KCNT2: variants seen among roughly 807,000 people sequenced by gnomAD.
KCNT2 encodes potassium sodium-activated channel subfamily T member 2, also known as potassium channel subfamily T member 2.
Under a neutral mutation model 153.8 loss-of-function variants are expected in KCNT2, and 67 were observed. The observed-to-expected ratio is 0.44, with a 90% CI of 0.36 to 0.53. The LOEUF is 0.53. KCNT2 is among the 20% of genes least tolerant of loss of function. The pLI, the probability that KCNT2 is intolerant of heterozygous loss-of-function variation, is 0.00. For missense variants in KCNT2, 975 were observed against 1,354.8 expected (o/e 0.72, Z 4.40); for synonymous variants, 500 against 458.8 (o/e 1.09, Z -1.15).
chr1:196,559,064 A>C (rs1441306177), intron 1 of KCNT2, among the ~76,000 whole-genome samples: 1 of 151,360 alleles, frequency 6.6e-6, no homozygotes, highest in Admixed American at 6.6e-5. Context: ...TTGGAAACAA[A>C]AAAAAAAATC....
intron 1 of KCNT2, among the ~76,000 whole-genome samples, chr1:196,591,898 C>T (rs548159012): frequency 1.3e-5 from 2 of 151,910 alleles, no homozygotes; most frequent in South Asian, 2.1e-4. Context: ...CAGAGCAACT[C>T]GATAATAAAA....
chr1:196,361,816 C>G (rs1667646615), intron 14 of KCNT2, among the ~76,000 whole-genome samples: 1 of 152,040 alleles, frequency 6.6e-6, no homozygotes, highest in South Asian at 2.1e-4. Context: ...AAAGTTATAT[C>G]AAATAAAGTT....
chr1:196,465,897 T>A (rs1047332130), intron 7 of KCNT2, among the ~76,000 whole-genome samples: 1 of 152,024 alleles, frequency 6.6e-6, no homozygotes, highest in Non-Finnish European at 1.5e-5. Context: ...TTTAATTTCT[T>A]ATAAAAGATA....
At chr1:196,431,445 C>T (rs1362283129) in intron 8 of KCNT2, among the ~76,000 whole-genome samples, 3 of 152,014 alleles carry the variant, frequency 2.0e-5, no homozygotes, top group African/African-American at 4.8e-5. Context: ...CCTAACTCTT[C>T]TTATAGATTA....
chr1:196,334,561 TC>T (rs1343574888), intron 16 of KCNT2, among the ~76,000 whole-genome samples: 2 of 146,394 alleles, frequency 1.4e-5, no homozygotes, highest in Non-Finnish European at 3.0e-5. Context: ...TGCAAACTCC[TC>T]CTCCCAGGTT....
At chr1:196,418,229 G>A (rs113166435) in intron 12 of KCNT2, among the ~76,000 whole-genome samples, 8,780 of 151,928 alleles carry the variant, frequency 0.058, 394 homozygotes, top group Non-Finnish European at 0.085. Flanking sequence ...TAATCCCAGC[G>A]CTTTGGGAGG....
chr1:196,518,830 C>T (rs1293139118), intron 1 of KCNT2, among the ~76,000 whole-genome samples: 1 of 152,038 alleles, frequency 6.6e-6, no homozygotes, highest in Non-Finnish European at 1.5e-5. Context: ...TAGACTTCCA[C>T]AAAATAATAG....
intron 19 of KCNT2, among the ~76,000 whole-genome samples, chr1:196,323,591 G>A (rs189056711): frequency 6.6e-6 from 1 of 151,690 alleles, no homozygotes; most frequent in Non-Finnish European, 1.5e-5. Context: ...GATCTAGAAA[G>A]GTTTATATTT....
chr1:196,488,809 A>G (rs1048208054), intron 3 of KCNT2, among the ~76,000 whole-genome samples: 1 of 151,938 alleles, frequency 6.6e-6, no homozygotes, highest in African/African-American at 2.4e-5. Context: ...TGTGAGAGCT[A>G]TGGAGGAAAA....
At chr1:196,398,260 G>A (rs1042830979) in intron 13 of KCNT2, among the ~76,000 whole-genome samples, 1 of 151,340 alleles carries the variant, frequency 6.6e-6, no homozygotes, top group African/African-American at 2.4e-5. Flanking sequence ...CTTGAAATTT[G>A]TGTCTATATT....
At chr1:196,318,157 T>C (rs1364253086) in intron 20 of KCNT2, among the ~76,000 whole-genome samples, 1 of 151,688 alleles carries the variant, frequency 6.6e-6, no homozygotes, top group Admixed American at 6.6e-5. Flanking sequence ...AAACAAGTTA[T>C]AGGGATAATT....
intron 1 of KCNT2, among the ~76,000 whole-genome samples, chr1:196,606,808 C>CA (rs1413181015): frequency 6.6e-6 from 1 of 152,088 alleles, no homozygotes; most frequent in Admixed American, 6.5e-5. Flanking sequence ...CTAGGAACAC[C>CA]ATGCTACACT....
Position 196,428,089 on chromosome 1 carries a change from T to C in KCNT2, c.984+16A>G. ...AGGTATGATCCAGTATAGCACATAATATAAGCCAAATGTACCTGGAGCCTA... is the reference window on the plus strand; with the variant it reads ...AGGTATGATCCAGTATAGCACATAACATAAGCCAAATGTACCTGGAGCCTA... On this transcript the variant is annotated intron_variant, in intron 10 of 27. Coordinates refer to ENST00000294725, the MANE Select transcript of KCNT2 (RefSeq NM_198503.5). 6.2e-7 allele frequency: 1 copy of C among 1,605,020 alleles called. No individual in the cohort carries two copies. Among genetic ancestry groups the C allele is most frequent in the Non-Finnish European group, 8.5e-7 (1 of 1,172,598 alleles).
chr1:196,407,865 A>G (rs1671962049), intron 12 of KCNT2, among the ~76,000 whole-genome samples: 1 of 150,850 alleles, frequency 6.6e-6, no homozygotes, highest in South Asian at 2.1e-4. Context: ...TTTTTCTGAG[A>G]GTTACAACTT....
In KCNT2 at chr1:196,484,242, G is replaced by C. The variant is rs111467834; in HGVS notation, c.276-1863C>G. Among the ~76,000 whole-genome samples, 231 of 152,078 alleles carry C rather than the reference G, an allele frequency of 1.5e-3. 2 individuals are homozygous for C. Among genetic ancestry groups the C allele is most frequent in the African/African-American group, 5.4e-3 (224 of 41,502 alleles). On this transcript the variant is annotated intron_variant, in intron 3 of 27. Transcript: ENST00000294725. ...GACTGGCATGAGATGGTATCTCACTGTGATTTTGATTTGCATTTTTCCATT... is the reference window on the plus strand; with the variant it reads ...GACTGGCATGAGATGGTATCTCACTCTGATTTTGATTTGCATTTTTCCATT...
chr1:196,271,385 T>C (rs1249830145), intron 25 of KCNT2, among the ~76,000 whole-genome samples: 1 of 152,028 alleles, frequency 6.6e-6, no homozygotes, highest in Non-Finnish European at 1.5e-5. Flanking sequence ...TTAAGTTACT[T>C]TCTGTGGCAG....
intron 7 of KCNT2, 68 bp downstream of exon 7, chr1:196,467,635 A>G: frequency 9.6e-7 from 1 of 1,039,070 alleles, no homozygotes; most frequent in Non-Finnish European, 1.4e-6. Context: ...TCTCTGTTTA[A>G]TCTAAACATT....
chr1:196,555,619 C>A (rs961871829), intron 1 of KCNT2, among the ~76,000 whole-genome samples: 1 of 151,144 alleles, frequency 6.6e-6, no homozygotes, highest in Admixed American at 6.6e-5. Context: ...ATTAAAATAC[C>A]AATGACATTC....
chr1:196,338,284 T>C (rs1413580102), intron 16 of KCNT2, among the ~76,000 whole-genome samples: 3 of 151,962 alleles, frequency 2.0e-5, no homozygotes, highest in South Asian at 2.1e-4. Context: ...TTAGTGAAGA[T>C]TGAAAGAAAG....
Sources: gnomAD v4.1 joint callset for allele counts (sites outside exome capture counted in the v4.1 genomes callset) on GRCh38, gnomAD v4.1.1 for gene constraint, MANE v1.5 for transcripts, NCBI Gene and HGNC (gene_info 2026-07-23, HGNC 2026-07-21) for gene names.